SEMA3A: variants seen among roughly 807,000 people sequenced by gnomAD.
SEMA3A encodes semaphorin-3A.
Under a neutral mutation model 97.9 loss-of-function variants are expected in SEMA3A, and 29 were observed. That is an observed-to-expected ratio of 0.30 (90% CI 0.22 to 0.40). The LOEUF (loss-of-function observed/expected upper bound fraction) is 0.40, where lower values mean the gene tolerates loss of function less well. SEMA3A is among the 10% of genes least tolerant of loss of function. The pLI is 1.00. For missense variants in SEMA3A, 763 were observed against 951.3 expected, an observed-to-expected ratio of 0.80 and a Z score of 2.60; for synonymous variants, 321 against 323.7, an observed-to-expected ratio of 0.99 and a Z score of 0.09.
chr7:84,162,592 T>G (rs1557935), intron 1 of SEMA3A, among the ~76,000 whole-genome samples: 3 of 150,852 alleles, frequency 2.0e-5, no homozygotes, highest in Non-Finnish European at 3.0e-5. Flanking sequence ...AATTTTTTTT[T>G]AAAAAAAAAT....
chr7:84,229,651 G>C (rs1448571141), intron 3 of SEMA3A, among the ~76,000 whole-genome samples: 1 of 152,022 alleles, frequency 6.6e-6, no homozygotes, highest in Non-Finnish European at 1.5e-5. Context: ...TTTCTGTAGA[G>C]TAGAAACAAA....
chr7:84,237,177 C>T (rs1318992597), intron 3 of SEMA3A, among the ~76,000 whole-genome samples: 1 of 152,012 alleles, frequency 6.6e-6, no homozygotes, highest in Non-Finnish European at 1.5e-5. Context: ...ATGCTGAAAA[C>T]AAAATGTGTT....
intron 1 of SEMA3A, among the ~76,000 whole-genome samples, chr7:84,478,647 T>C (rs1305637434): frequency 6.6e-6 from 1 of 151,898 alleles, no homozygotes; most frequent in African/African-American, 2.4e-5. Context: ...AATATTTCAA[T>C]ATAATTAGTT....
At chr7:84,153,829 TA>T (rs1796752764) in intron 1 of SEMA3A, among the ~76,000 whole-genome samples, 2 of 152,118 alleles carry the variant, frequency 1.3e-5, no homozygotes, top group South Asian at 4.1e-4. Flanking sequence ...AAATAAAAGT[TA>T]AAAATATTTC....
intron 1 of SEMA3A, among the ~76,000 whole-genome samples, chr7:84,166,444 G>A (rs1797208117): frequency 1.3e-5 from 2 of 151,648 alleles, no homozygotes; most frequent in South Asian, 4.2e-4. Flanking sequence ...GGTGGTGCAT[G>A]CCTCTAATCC....
chr7:84,423,602 T>A (rs1217923253), intron 1 of SEMA3A, among the ~76,000 whole-genome samples: 1 of 152,082 alleles, frequency 6.6e-6, no homozygotes, highest in East Asian at 1.9e-4. Context: ...ATCATCTATA[T>A]CTATATTTAA....
chr7:84,163,388 A>C (rs1797102966), intron 1 of SEMA3A, among the ~76,000 whole-genome samples: 1 of 152,140 alleles, frequency 6.6e-6, no homozygotes, highest in African/African-American at 2.4e-5. Context: ...AATATATAGT[A>C]AGAGGCCAAA....
chr7:84,216,212 T>C (rs567107114), intron 3 of SEMA3A, among the ~76,000 whole-genome samples: 2 of 152,252 alleles, frequency 1.3e-5, no homozygotes, highest in East Asian at 3.9e-4. Context: ...GTTCAAGCGA[T>C]TCTCCTGCCT....
At position 84,129,162 on chromosome 7, in the gene SEMA3A, G is replaced by A. The variant is rs147454247; in HGVS notation, c.294C>T (p.Thr98=). The A allele has an allele frequency of 6.2e-7, 1 of 1,613,016 alleles. No homozygotes were observed. Among genetic ancestry groups the A allele is most frequent in the Non-Finnish European group, 8.5e-7 (1 of 1,179,124 alleles). The part of the protein sequence containing the change: ...FQKIVWPVSY[T]RRDECKWAGK... ...CAGCCCACTTGCATTCATCTCTTCT[G>A]GTGTAAGATACTGGCCACACAATCT... Residue 98 remains threonine, a synonymous_variant, in exon 3 of 17, where the codon ACC becomes ACT. Coordinates refer to ENST00000265362, the MANE Select transcript of SEMA3A (RefSeq NM_006080.3).
chr7:83,995,679 C>T (rs1485455994), intron 12 of SEMA3A, among the ~76,000 whole-genome samples: 1 of 151,338 alleles, frequency 6.6e-6, no homozygotes, highest in African/African-American at 2.4e-5. Context: ...AAACTGGTTT[C>T]AGTTGCATTT....
At chr7:84,465,978 A>C (rs1295203110) in intron 1 of SEMA3A, among the ~76,000 whole-genome samples, 1 of 152,144 alleles carries the variant, frequency 6.6e-6, no homozygotes, top group Non-Finnish European at 1.5e-5. Flanking sequence ...TATCCAGGAC[A>C]CACTTCATAC....
chr7:84,118,748 T>C (rs1345644291), intron 3 of SEMA3A, among the ~76,000 whole-genome samples: 2 of 152,226 alleles, frequency 1.3e-5, no homozygotes, highest in South Asian at 2.1e-4. Context: ...CTACTTCATG[T>C]TCGGCTTTTC....
chr7:84,443,591 G>T (rs1486287769), intron 1 of SEMA3A, among the ~76,000 whole-genome samples: 1 of 152,138 alleles, frequency 6.6e-6, no homozygotes, highest in Non-Finnish European at 1.5e-5. Flanking sequence ...AAACTCTCAC[G>T]AAATTGCTCT....
At chr7:84,319,995 T>G (rs1801607760) in intron 2 of SEMA3A, among the ~76,000 whole-genome samples, 1 of 152,142 alleles carries the variant, frequency 6.6e-6, no homozygotes, top group Non-Finnish European at 1.5e-5. Flanking sequence ...AAGTAAATGA[T>G]TTCTTTTTGC....
intron 4 of SEMA3A, among the ~76,000 whole-genome samples, chr7:84,106,542 T>C (rs1316402764): frequency 6.6e-6 from 1 of 152,182 alleles, no homozygotes; most frequent in Non-Finnish European, 1.5e-5. Context: ...TGTATTGCTA[T>C]TAAAATGCCT....
At chr7:84,166,434 G>A (rs1295809281) in intron 1 of SEMA3A, among the ~76,000 whole-genome samples, 1 of 151,774 alleles carries the variant, frequency 6.6e-6, no homozygotes, top group Non-Finnish European at 1.5e-5. Context: ...AGCCAGGCGT[G>A]GTGGTGCATG....
At chr7:84,146,869 T>C (rs1405668490) in intron 1 of SEMA3A, among the ~76,000 whole-genome samples, 2 of 152,220 alleles carry the variant, frequency 1.3e-5, no homozygotes, top group East Asian at 3.9e-4. Context: ...CAGGTCTCTG[T>C]TATCAGTCAG....
chr7:84,201,206 C>T (rs1282500938), intron 3 of SEMA3A, among the ~76,000 whole-genome samples: 2 of 152,062 alleles, frequency 1.3e-5, no homozygotes, highest in Non-Finnish European at 2.9e-5. Context: ...TTATTACAAT[C>T]TCTATGGCCT....
At chr7:84,074,004 A>G (rs1436500978) in intron 4 of SEMA3A, among the ~76,000 whole-genome samples, 1 of 152,168 alleles carries the variant, frequency 6.6e-6, no homozygotes, top group Non-Finnish European at 1.5e-5. Context: ...TTAAGGTCGT[A>G]TCACTCTGAA....
Sources: allele counts gnomAD v4.1 joint callset (sites outside exome capture counted in the v4.1 genomes callset), GRCh38; gene constraint gnomAD v4.1.1; transcripts MANE v1.5; gene names NCBI Gene and HGNC (gene_info 2026-07-23, HGNC 2026-07-21).